MED17: variants seen among roughly 807,000 people sequenced by gnomAD.
The protein encoded by MED17 is mediator of RNA polymerase II transcription subunit 17.
In MED17, 49 loss-of-function variants were observed where a neutral mutation model predicts 80.8. The observed-to-expected ratio is 0.61, with a 90% confidence interval of 0.48 to 0.77. MED17 has a LOEUF of 0.77. Ranked by LOEUF, MED17 falls within the 30% of genes least tolerant of loss-of-function variation. The pLI is 0.00. For synonymous variants in MED17, 281 were observed against 280.4 expected (o/e 1.00, Z -0.02); for missense variants, 718 against 787.0 (o/e 0.91, Z 1.05).
At chr11:93,795,190 C>A in intron 6 of MED17, 130 bp downstream of exon 6, 1 of 1,009,964 alleles carries the variant, frequency 9.9e-7, no homozygotes, top group Non-Finnish European at 1.6e-6. Flanking sequence ...TCCATAGTGA[C>A]AGCCAGTAAA....
intron 3 of MED17, chr11:93,793,459 C>T (rs1209545299): frequency 5.5e-6 from 2 of 361,196 alleles, no homozygotes; most frequent in Non-Finnish European, 1.0e-5. Context: ...TGGAATAAAA[C>T]AATTTGGATT....
rs1344730620 is a variant in MED17, at chr11:93,813,710, T to G, written c.*1646T>G. On this transcript the variant is annotated 3_prime_UTR_variant, in exon 12 of 12. Coordinates refer to ENST00000251871, the MANE Select transcript of MED17 (RefSeq NM_004268.5). ...CCCATTTATTTGATTATAACTTGAT[T>G]AAATTGCATCAAATACTAGAATTTA... 1 of 152,204 alleles carries G rather than the reference T, an allele frequency of 6.6e-6. No individual in the cohort carries two copies. The highest frequency in any genetic ancestry group is 2.4e-5 in the African/African-American group (1 of 41,462). 9.4% of individuals were successfully genotyped at this position (152,204 alleles called of 1,614,324 possible).
chr11:93,784,293 G>A lies in MED17; in HGVS notation c.-221G>A, dbSNP rs1433411756. ...TTCCGCGCCTGCCCAGTTTTGCTCC[G>A]AAAGACTTACCGAGGAGGGAGCTTG... On this transcript the variant is annotated 5_prime_UTR_variant, in exon 1 of 12. Coordinates refer to ENST00000251871, the MANE Select transcript of MED17 (RefSeq NM_004268.5). The A allele has an allele frequency of 4.8e-6, 3 of 619,950 alleles. No individual in the cohort carries two copies. The highest frequency in any genetic ancestry group is 8.1e-6 in the Non-Finnish European group (3 of 370,792). 38.4% of individuals were successfully genotyped at this position (619,950 alleles called of 1,614,324 possible).
At chr11:93,794,199 ATTT>A (rs35300764) in intron 5 of MED17, 164 bp downstream of exon 5, 2,550 of 322,060 alleles carry the variant, frequency 7.9e-3, no homozygotes, top group South Asian at 0.01. Context: ...TAGCTGTGCA[ATTT>A]TTTTTTTTTT....
rs77353865 is a variant in MED17 at position 93,808,118 on chromosome 11, C to T, written c.1584+483C>T. 4.5e-3 allele frequency: 789 copies of T among 176,146 alleles called. 21 individuals are homozygous for T. In the East Asian group the frequency reaches 0.069, roughly 15 times the overall value. 10.9% of individuals were successfully genotyped at this position (176,146 alleles called of 1,614,324 possible). A position where few individuals can be genotyped will look rare whatever the true frequency, so the allele number is the denominator to read the frequency against. ...GTGGTTTGCGCCTATAATCCCAGCA[C>T]TTTGGGAGGCTGAAGCGAGAGTATC... On this transcript the variant is annotated intron_variant, in intron 10 of 11. Coordinates refer to ENST00000251871, the MANE Select transcript of MED17 (RefSeq NM_004268.5).
At chr11:93,787,488 C>CG (rs1357033404) in intron 1 of MED17, among the ~76,000 whole-genome samples, 1 of 151,948 alleles carries the variant, frequency 6.6e-6, no homozygotes, top group East Asian at 1.9e-4. Context: ...GGGAGAGAAT[C>CG]GGGTGGGGAA....
chr11:93,784,849 C>G, intron 1 of MED17, 86 bp downstream of exon 1: 4 of 1,502,010 alleles, frequency 2.7e-6, no homozygotes, highest in Non-Finnish European at 3.6e-6. Context: ...TGGGGGTGAT[C>G]TTGTGCGTGC....
At chr11:93,802,222 C>T (rs1362011022) in intron 9 of MED17, among the ~76,000 whole-genome samples, 2 of 151,892 alleles carry the variant, frequency 1.3e-5, no homozygotes, top group African/African-American at 2.4e-5. Flanking sequence ...TTTGCCTCAA[C>T]CTCCTGAGTA....
At chr11:93,786,694 C>T (rs183895640) in intron 1 of MED17, among the ~76,000 whole-genome samples, 1 of 152,230 alleles carries the variant, frequency 6.6e-6, no homozygotes, top group African/African-American at 2.4e-5. Flanking sequence ...TCTTAAATAC[C>T]TGATGTCAGG....
intron 7 of MED17, 62 bp from the exon 8 acceptor site, chr11:93,797,473 A>G: frequency 1.4e-6 from 2 of 1,455,536 alleles, no homozygotes; most frequent in Non-Finnish European, 1.9e-6. Context: ...CCATGTTTTG[A>G]CTAAATATTA....
intron 8 of MED17, chr11:93,801,458 C>G (rs1565292449): frequency 4.4e-6 from 1 of 225,274 alleles, no homozygotes; most frequent in Non-Finnish European, 9.0e-6. Flanking sequence ...TACCAGGGAT[C>G]AAGTACTGAC....
chr11:93,809,537 T>C (rs906483128), intron 10 of MED17, 180 bp from the exon 11 acceptor site: 5 of 660,098 alleles, frequency 7.6e-6, no homozygotes, highest in African/African-American at 3.6e-5. Context: ...GCTTTGGCAG[T>C]GGAAGGTGGA....
rs2135724917 is a variant in MED17 at position 93,813,015 on chromosome 11, T to A, written c.*951T>A. On this transcript the variant is annotated 3_prime_UTR_variant, in exon 12 of 12. Coordinates refer to ENST00000251871, the MANE Select transcript of MED17 (RefSeq NM_004268.5). ...TGGATTGCTTTCTCCAATTAAGGCC[T>A]TTCCATCAGCTCTCTGCTTTTTCAA... The A allele has an allele frequency of 6.6e-6, 1 of 152,386 alleles. No homozygotes were observed. The highest frequency in any genetic ancestry group is 1.9e-4 in the East Asian group (1 of 5,186). 9.4% of individuals were successfully genotyped at this position (152,386 alleles called of 1,614,324 possible). A position where few individuals can be genotyped will look rare whatever the true frequency, so the allele number is the denominator to read the frequency against.
chr11:93,803,381 A>G (rs1329752603), intron 9 of MED17, among the ~76,000 whole-genome samples: 1 of 152,234 alleles, frequency 6.6e-6, no homozygotes, highest in Non-Finnish European at 1.5e-5. Flanking sequence ...GATGCAGAGT[A>G]TGAAAGAATA....
Position 93,809,819 on chromosome 11 carries a change from A to T in MED17, c.1687A>T (p.Ile563Phe). The T allele has an allele frequency of 6.2e-7, 1 of 1,614,192 alleles. No homozygotes were observed. Among genetic ancestry groups the T allele is most frequent in the Non-Finnish European group, 8.5e-7 (1 of 1,180,024 alleles). ...NHVGLGPIES[I>F]GNASAITVAS... ...TGTGGGACTTGGACCTATAGAGAGC[A>T]TTGGTAATGCATCTGCCATCACGGT... The change falls in exon 11 of 12, where the codon ATT (isoleucine) becomes TTT (phenylalanine). Residue 563 changes from isoleucine to phenylalanine, a missense_variant. Ile to Phe is a conservative substitution (Grantham distance 21). Coordinates refer to ENST00000251871, the MANE Select transcript of MED17 (RefSeq NM_004268.5).
chr11:93,799,490 A>G (rs1943939463), intron 8 of MED17, among the ~76,000 whole-genome samples: 1 of 152,180 alleles, frequency 6.6e-6, no homozygotes, highest in Non-Finnish European at 1.5e-5. Flanking sequence ...AGCCTTTTTA[A>G]AAAAAGTAGC....
rs998958512 is a variant in MED17, at chr11:93,812,332, A to G, written c.*268A>G. Reference sequence around the variant, plus strand: ...ATGCAGTTTAAAATATTACTAACTTAAGGGTTTCTATGTGCTTTTTAAAAT... The same window carrying G: ...ATGCAGTTTAAAATATTACTAACTTGAGGGTTTCTATGTGCTTTTTAAAAT... On this transcript the variant is annotated 3_prime_UTR_variant, in exon 12 of 12. Coordinates refer to ENST00000251871, the MANE Select transcript of MED17 (RefSeq NM_004268.5). The G allele has an allele frequency of 7.4e-6, 4 of 538,388 alleles. No individual in the cohort carries two copies. In the Admixed American group the frequency reaches 1.4e-4, roughly 19 times the overall value. 33.4% of individuals were successfully genotyped at this position (538,388 alleles called of 1,614,324 possible).
At chr11:93,787,368 G>A (rs181145252) in intron 1 of MED17, among the ~76,000 whole-genome samples, 1,589 of 151,960 alleles carry the variant, frequency 0.01, 12 homozygotes, top group Middle Eastern at 0.02. Flanking sequence ...AGCTGAGATC[G>A]CGCTACTGCA....
Position 93,790,771 on chromosome 11 carries a change from A to C in MED17, c.615A>C (p.Gly205=), listed in dbSNP as rs775041642. ...KLRKVGDKIL[G]DLSYRSAGSL... is the part of the protein sequence containing the mutation. ...GAAAAGTTGGAGATAAAATTCTCGG[A>C]GATCTGAGCTACAGAAGTGCAGGTA... Residue 205 remains glycine (G), a synonymous_variant, in exon 3 of 12, where the codon GGA becomes GGC. Coordinates refer to ENST00000251871, the MANE Select transcript of MED17 (RefSeq NM_004268.5). 1.5e-5 allele frequency: 24 copies of C among 1,613,974 alleles called. No individual in the cohort carries two copies. The South Asian group carries it at 2.3e-4, about 16-fold the overall frequency.
Sources: gnomAD v4.1 joint callset for allele counts (sites outside exome capture counted in the v4.1 genomes callset) on GRCh38, gnomAD v4.1.1 for gene constraint, MANE v1.5 for transcripts, NCBI Gene and HGNC (gene_info 2026-07-23, HGNC 2026-07-21) for gene names.